Variants in PGA5 observed in about 807,000 individuals in gnomAD.
PGA5 encodes the protein pepsinogen A5.
Under a neutral mutation model 15.9 loss-of-function variants are expected in PGA5, and 19 were observed. The observed-to-expected ratio is 1.19, with a 90% CI of 0.83 to 1.75. The LOEUF is 1.75. Among genes scored for constraint, PGA5 ranks in the 40% most tolerant of loss-of-function variants. PGA5 has a pLI of 0.00. For synonymous variants in PGA5, 92 were observed against 95.8 expected, an observed-to-expected ratio of 0.96 and a Z score of 0.23; for missense variants, 224 against 246.4, an observed-to-expected ratio of 0.91 and a Z score of 0.61.
chr11:61,247,471 G>T (rs1269232658), intron 5 of PGA5, among the ~76,000 whole-genome samples: 1 of 151,762 alleles, frequency 6.6e-6, no homozygotes, highest in African/African-American at 2.4e-5. Flanking sequence ...TAGAGATGGG[G>T]TTTCACCCTG....
In PGA5 at chr11:61,248,518, G is replaced by A; in HGVS notation, c.756G>A (p.Trp252Ter). The A allele has an allele frequency of 6.2e-7, 1 of 1,612,598 alleles. No individual in the cohort carries two copies. The highest frequency in any genetic ancestry group is 8.5e-7 in the Non-Finnish European group (1 of 1,179,854). The change falls in exon 6 of 9, where the codon TGG becomes TGA. Residue 252 changes from tryptophan (W) to a stop codon, truncating the protein, a stop_gained. Coordinates refer to ENST00000312403, the MANE Select transcript of PGA5 (RefSeq NM_014224.5). LOFTEE classifies it high-confidence loss of function. ...TGCCTGTTACCGTCGAGGGTTACTG[G>A]CAGATCACCGTGGACAGGTGAGACT... ...NWVPVTVEGYWQITVDSITMN... is the reference protein window; with the variant it reads ...NWVPVTVEGY
At chr11:61,249,460 T>A (rs1854108108) in intron 6 of PGA5, 5 of 992,766 alleles carry the variant, frequency 5.0e-6, no homozygotes, top group African/African-American at 1.6e-5. Flanking sequence ...GCTTGGCGTT[T>A]CCCATGCCTG....
intron 8 of PGA5, 145 bp from the exon 9 acceptor site, chr11:61,250,987 C>T: frequency 6.7e-7 from 1 of 1,499,212 alleles, no homozygotes; most frequent in South Asian, 1.2e-5. Flanking sequence ...AGGCCAAGAA[C>T]AGCCGAATCC....
intron 5 of PGA5, chr11:61,248,184 C>G: frequency 1.1e-6 from 1 of 931,478 alleles, no homozygotes; most frequent in South Asian, 1.3e-5. Flanking sequence ...GCTGTGTGAC[C>G]TTGGGCAGGT....
At position 61,246,030 on chromosome 11, in the gene PGA5, G is replaced by A. The variant is rs775464977; in HGVS notation, c.541G>A (p.Gly181Ser). 17 of 391,724 alleles carry A rather than the reference G, an allele frequency of 4.3e-5. No homozygotes were observed. The highest frequency in any genetic ancestry group is 3.4e-4 in the South Asian group (15 of 44,126). 24.3% of individuals were successfully genotyped at this position (391,724 alleles called of 1,614,324 possible). The stretch of plus-strand genomic sequence containing the variant: ...CTTCCTGTATTATGCTCCCTTCGAT[G>A]GCATCCTGGGGCTGGCCTACCCCAG... Reference protein sequence around the residue: ...GSFLYYAPFDGILGLAYPSIS... With the variant: ...GSFLYYAPFDSILGLAYPSIS... The change falls in exon 5 of 9, where the codon GGC becomes AGC. Residue 181 changes from glycine (G) to serine (S), a missense_variant. Coordinates refer to ENST00000312403, the MANE Select transcript of PGA5 (RefSeq NM_014224.5).
rs761910731 is a variant in PGA5, at chr11:61,249,710, G to A, written c.815G>A (p.Cys272Tyr). The A allele has an allele frequency of 1.9e-6, 3 of 1,613,480 alleles. No homozygotes were observed. Among genetic ancestry groups the A allele is most frequent in the African/African-American group, 1.3e-5 (1 of 74,658 alleles). ...GAGACCATCGCCTGTGCTGAGGGCT[G>A]CCAGGCCATTGTTGACACCGGCACC... is the stretch of plus-strand genomic sequence containing the variant. The part of the protein sequence containing the change: ...NGETIACAEG[C>Y]QAIVDTGTSL... Residue 272 changes from cysteine to tyrosine, a missense_variant, in exon 7 of 9, where the codon TGC becomes TAC. Physicochemically the swap from Cys to Tyr is radical, Grantham distance 194. Transcript: ENST00000312403.
At chr11:61,246,945 G>T (rs759959144) in intron 5 of PGA5, among the ~76,000 whole-genome samples, 4 of 151,880 alleles carry the variant, frequency 2.6e-5, no homozygotes, top group Non-Finnish European at 4.4e-5. Flanking sequence ...ATTTGTGACC[G>T]GGGGCTAATT....
chr11:61,248,029 C>T (rs1307177776), intron 5 of PGA5: 6 of 600,236 alleles, frequency 1.0e-5, no homozygotes, highest in South Asian at 4.0e-5. Context: ...CCAGTGACCT[C>T]CACCCTCAAG....
intron 6 of PGA5, among the ~76,000 whole-genome samples, chr11:61,248,860 G>C (rs1455084180): frequency 1.3e-5 from 2 of 152,122 alleles, no homozygotes; most frequent in Non-Finnish European, 2.9e-5. Context: ...CACAATTTAA[G>C]GGGGCTGTGA....
chr11:61,250,086 G>A, intron 8 of PGA5, 72 bp downstream of exon 8: 2 of 1,561,132 alleles, frequency 1.3e-6, no homozygotes, highest in African/African-American at 1.4e-5. Context: ...TTCTGCAGAG[G>A]GAAAGTACAC....
intron 8 of PGA5, among the ~76,000 whole-genome samples, chr11:61,250,412 C>G (rs1854124249): frequency 6.6e-6 from 1 of 151,548 alleles, no homozygotes; most frequent in Non-Finnish European, 1.5e-5. Flanking sequence ...CCAAGTGAGA[C>G]TGATCACATC....
At position 61,249,664 on chromosome 11, in the gene PGA5, C is replaced by T; in HGVS notation, c.774-5C>T. ...CAGGGAGCTTAACTTGCTTCTTACC[C>T]TCAGCATCACCATGAACGGAGAGAC... On this transcript the variant is annotated splice_region_variant and splice_polypyrimidine_tract_variant and intron_variant, in intron 6 of 8. Transcript: ENST00000312403. 1 of 1,613,588 alleles carries T rather than the reference C, an allele frequency of 6.2e-7. No individual in the cohort carries two copies. The highest frequency in any genetic ancestry group is 8.5e-7 in the Non-Finnish European group (1 of 1,179,838).
In PGA5 at chr11:61,248,485, G is replaced by A. The variant is rs1192531909; in HGVS notation, c.723G>A (p.Leu241=). Residue 241 remains leucine (L), a synonymous_variant, in exon 6 of 9, where the codon CTG becomes CTA. Coordinates refer to ENST00000312403, the MANE Select transcript of PGA5 (RefSeq NM_014224.5). The part of the protein sequence containing the change: ...GIDSSYYTGS[L]NWVPVTVEGY... ...ACTCTTCTTACTACACTGGAAGTCT[G>A]AACTGGGTGCCTGTTACCGTCGAGG... 1.2e-6 allele frequency: 2 copies of A among 1,613,594 alleles called. No homozygotes were observed. Among genetic ancestry groups the A allele is most frequent in the Non-Finnish European group, 1.7e-6 (2 of 1,179,858 alleles).
chr11:61,248,269 T>C (rs1854093361), intron 5 of PGA5, 150 bp from the exon 6 acceptor site: 3 of 1,585,622 alleles, frequency 1.9e-6, no homozygotes, highest in East Asian at 2.2e-5. Flanking sequence ...GCATGGGCCC[T>C]GGCCTAAGAG....
chr11:61,248,446 C>A lies in PGA5; in HGVS notation c.684C>A (p.Ile228=). The A allele has an allele frequency of 4.3e-6, 7 of 1,613,816 alleles. No homozygotes were observed. Among genetic ancestry groups the A allele is most frequent in the South Asian group, 1.1e-5 (1 of 91,072 alleles). ...ATGACAAGAGTGGCAGCGTGGTGAT[C>A]TTTGGTGGCATTGACTCTTCTTACT... ...SADDKSGSVV[I]FGGIDSSYYT... The change falls in exon 6 of 9, where the codon ATC becomes ATA. Residue 228 remains isoleucine (I), a synonymous_variant. Transcript: ENST00000312403.
Position 61,251,347 on chromosome 11 carries a change from T to G in PGA5, c.*66T>G, listed in dbSNP as rs1590595328. ...CCGTCCTATGCCCACTTTAGATGTA[T>G]CTAATTCTCCTGACTGTTCTTCCCA... On this transcript the variant is annotated 3_prime_UTR_variant, in exon 9 of 9. Transcript: ENST00000312403. The G allele has an allele frequency of 6.2e-7, 1 of 1,609,352 alleles. No homozygotes were observed. The highest frequency in any genetic ancestry group is 2.2e-5 in the East Asian group (1 of 44,834).
At chr11:61,250,583 C>G (rs2134708112) in intron 8 of PGA5, 1 of 457,650 alleles carries the variant, frequency 2.2e-6, no homozygotes, top group South Asian at 1.6e-5. Context: ...ACTAATTTTG[C>G]CAGTGGACTC....
At chr11:61,248,075 C>T (rs1244947167) in intron 5 of PGA5, 1 of 625,380 alleles carries the variant, frequency 1.6e-6, no homozygotes, top group Admixed American at 2.6e-5. Context: ...ATTCACTTCC[C>T]TGGGGTCCCC....
rs533826867 is a variant in PGA5, at chr11:61,247,669, G to A, written c.657-750G>A. On this transcript the variant is annotated intron_variant, in intron 5 of 8. Transcript: ENST00000312403. ...AGAAAATGAATATTGCAATAACAAG[G>A]ACTCCTGCAATTTACAACAGGAAGG... 5.3e-5 allele frequency among the ~76,000 whole-genome samples: 8 copies of A among 152,118 alleles called. No individual in the cohort carries two copies. In the South Asian group the frequency reaches 1.7e-3, roughly 32 times the overall value.
Sources: allele counts gnomAD v4.1 joint callset (sites outside exome capture counted in the v4.1 genomes callset), GRCh38; gene constraint gnomAD v4.1.1; transcripts MANE v1.5; gene names NCBI Gene and HGNC (gene_info 2026-07-23, HGNC 2026-07-21).